Variants in RRM2 observed in about 807,000 individuals in gnomAD.
The protein encoded by RRM2 is ribonucleoside-diphosphate reductase subunit M2.
RRM2 carries 6 observed loss-of-function variants against 45.9 expected under a neutral mutation model. That is an observed-to-expected ratio of 0.13 (90% CI 0.07 to 0.26). The LOEUF is 0.26. RRM2 is among the 10% of genes least tolerant of loss of function. The pLI, the probability that RRM2 is intolerant of heterozygous loss-of-function variation, is 1.00. For missense variants in RRM2, 343 were observed against 489.5 expected (o/e 0.70, Z 2.82); for synonymous variants, 177 against 173.0 (o/e 1.02, Z -0.18).
rs915144005 is a variant in RRM2, at chr2:10,195,732, G to A, written n.483-14579G>A. Reference sequence around the variant, plus strand: ...CCAGCAGCAGTGTTCTTGGGCCTCAGGGACGTGTCGTGACTGGCTGAAGGC... The same window carrying A: ...CCAGCAGCAGTGTTCTTGGGCCTCAAGGACGTGTCGTGACTGGCTGAAGGC... On this transcript the variant is annotated intron_variant and non_coding_transcript_variant, in intron 3 of 3. Coordinates refer to the RRM2 transcript ENST00000381786. This position sits in a 1 kb window ranked among gnomAD's most constrained non-coding sequence, Gnocchi z 4.9. Among the ~76,000 whole-genome samples the A allele has an allele frequency of 1.3e-5, 2 of 152,192 alleles. No individual in the cohort carries two copies. The highest frequency in any genetic ancestry group is 4.8e-5 in the African/African-American group (2 of 41,450).
chr2:10,125,978 A>G (rs1218888448), intron 5 of RRM2, among the ~76,000 whole-genome samples: 1 of 151,978 alleles, frequency 6.6e-6, no homozygotes. Flanking sequence ...CAGGTCTCAG[A>G]GAGAGGGACA....
chr2:10,191,265 C>A (rs1001071401), intron 3 of RRM2, among the ~76,000 whole-genome samples: 1 of 152,196 alleles, frequency 6.6e-6, no homozygotes, highest in East Asian at 1.9e-4. Flanking sequence ...GGCAGCGTGG[C>A]CTTGGTCACA....
chr2:10,131,164 T>C lies in RRM2; in HGVS notation c.*1778T>C, dbSNP rs574555188. 1 of 152,338 alleles carries C rather than the reference T, an allele frequency of 6.6e-6. No individual in the cohort carries two copies. Among genetic ancestry groups the C allele is most frequent in the South Asian group, 2.1e-4 (1 of 4,828 alleles). The allele number at this position is 152,338 out of a possible 1,614,324, so 9.4% of individuals were successfully genotyped here. On this transcript the variant is annotated 3_prime_UTR_variant, in exon 10 of 10. Coordinates refer to ENST00000304567, the MANE Select transcript of RRM2 (RefSeq NM_001034.4). ...TCTTTTAAGTTATTGTTACCTAAAGTTAATCCAGATTATATGGTCCTTATA... is the reference window on the plus strand; with the variant it reads ...TCTTTTAAGTTATTGTTACCTAAAGCTAATCCAGATTATATGGTCCTTATA...
downstream of RRM2, among the ~76,000 whole-genome samples, chr2:10,132,433 G>T (rs993866190): frequency 5.9e-5 from 9 of 152,118 alleles, no homozygotes; most frequent in Non-Finnish European, 1.5e-5. Context: ...TTCCTTAGTG[G>T]AGGGGACTGG....
upstream of RRM2, among the ~76,000 whole-genome samples, chr2:10,137,651 G>C (rs1442289466): frequency 6.6e-6 from 1 of 152,364 alleles, no homozygotes; most frequent in South Asian, 2.1e-4. Flanking sequence ...TGCCCAAATG[G>C]AGCCTCACGC....
chr2:10,184,484 G>A (rs1327952302), intron 3 of RRM2, among the ~76,000 whole-genome samples: 1 of 152,256 alleles, frequency 6.6e-6, no homozygotes, highest in Non-Finnish European at 1.5e-5. Flanking sequence ...CGTTGTGGGA[G>A]GCCCTGAGTC....
intron 3 of RRM2, among the ~76,000 whole-genome samples, chr2:10,197,016 C>A (rs1184333534): frequency 6.6e-6 from 1 of 152,212 alleles, no homozygotes; most frequent in East Asian, 1.9e-4. Context: ...TCAGCTCACC[C>A]CAGTGAGCTT....
chr2:10,152,400 G>A (rs138494310), intron 3 of RRM2, among the ~76,000 whole-genome samples: 1 of 150,144 alleles, frequency 6.7e-6, no homozygotes, highest in Non-Finnish European at 1.5e-5. Context: ...TTTTGAAAAA[G>A]TAAAAGACTT....
At chr2:10,158,789 G>A (rs566800035) in intron 3 of RRM2, among the ~76,000 whole-genome samples, 1 of 152,140 alleles carries the variant, frequency 6.6e-6, no homozygotes, top group Non-Finnish European at 1.5e-5. Flanking sequence ...AGGCCTGGCT[G>A]CCCCAGCTGG....
chr2:10,186,994 C>A, intron 3 of RRM2, among the ~76,000 whole-genome samples: 1 of 152,252 alleles, frequency 6.6e-6, no homozygotes, highest in East Asian at 1.9e-4. Context: ...CGAAGGGGGG[C>A]TCAGAGGAGG....
At position 10,205,100 on chromosome 2, in the gene RRM2, C is replaced by T. The variant is rs78515393; in HGVS notation, n.483-5211C>T. On this transcript the variant is annotated intron_variant and non_coding_transcript_variant, in intron 3 of 3. Coordinates refer to the RRM2 transcript ENST00000381786. The surrounding 1 kb of genome is among the most constrained non-coding windows in gnomAD (Gnocchi z 4.8). ...CTCCCTAAGCCTTCTTTGTCCTTAC[C>T]GTCTCTTCAGAATCTGTCTGCTTCA... Among the ~76,000 whole-genome samples the T allele has an allele frequency of 3.0e-3, 457 of 152,338 alleles. 4 individuals carry two copies. The highest frequency in any genetic ancestry group is 0.011 in the African/African-American group (439 of 41,570).
intron 3 of RRM2, among the ~76,000 whole-genome samples, chr2:10,161,666 G>GCA (rs376276275): frequency 1.4e-5 from 2 of 147,374 alleles, no homozygotes; most frequent in Non-Finnish European, 3.0e-5. Context: ...TCACACTCAT[G>GCA]CACACACACA....
chr2:10,142,119 G>A (rs1182308962), intron 2 of RRM2: 13 of 1,567,996 alleles, frequency 8.3e-6, no homozygotes, highest in African/African-American at 8.1e-5. Context: ...GTGGGCAAGC[G>A]CAAAGGCCCT....
At chr2:10,151,175 G>A (rs1166365155) in intron 3 of RRM2, among the ~76,000 whole-genome samples, 1 of 152,120 alleles carries the variant, frequency 6.6e-6, no homozygotes, top group African/African-American at 2.4e-5. Flanking sequence ...TCTTATTGCT[G>A]TGTTGCATTT....
At chr2:10,183,861 G>A (rs13393808) in intron 3 of RRM2, among the ~76,000 whole-genome samples, 46,565 of 150,336 alleles carry the variant, frequency 0.31, 7,417 homozygotes, top group East Asian at 0.51. Context: ...AGGCCGAGGC[G>A]GGCGGATCAT....
chr2:10,171,145 C>T lies in RRM2; in HGVS notation n.482+28770C>T, dbSNP rs570929081. Among the ~76,000 whole-genome samples, 132 of 152,340 alleles carry T rather than the reference C, an allele frequency of 8.7e-4. No homozygotes were observed. The highest frequency in any genetic ancestry group is 2.9e-3 in the African/African-American group (121 of 41,586). ...CGGGGCCTGCACAGACCCCAGGCAT[C>T]GAGCCTGCGATGGGGCAACGTGTGG... On this transcript the variant is annotated intron_variant and non_coding_transcript_variant, in intron 3 of 3. Transcript: ENST00000381786. This position sits in a 1 kb window ranked among gnomAD's most constrained non-coding sequence, Gnocchi z 4.1.
chr2:10,159,648 G>A (rs1057466888), intron 3 of RRM2, among the ~76,000 whole-genome samples: 6 of 152,226 alleles, frequency 3.9e-5, no homozygotes, highest in Non-Finnish European at 1.5e-5. Flanking sequence ...GGGTTGAAAC[G>A]GTTAAAGAGG....
Position 10,123,003 on chromosome 2 carries a change from C to G in RRM2, c.120C>G (p.Thr40=). ...KENTPPALSG[T]RVLASKTARR... ...CGCAGCCGCCGGCCCTGAGCGGGAC[C>G]CGCGTCCTGGCCAGCAAGACCGCGA... Residue 40 remains threonine, a synonymous_variant, in exon 2 of 10, where the codon ACC becomes ACG. Coordinates refer to ENST00000304567, the MANE Select transcript of RRM2 (RefSeq NM_001034.4). The G allele has an allele frequency of 6.4e-7, 1 of 1,562,422 alleles. No individual in the cohort carries two copies. Among genetic ancestry groups the G allele is most frequent in the Non-Finnish European group, 8.6e-7 (1 of 1,160,598 alleles).
chr2:10,176,753 C>T (rs900351202), intron 3 of RRM2, among the ~76,000 whole-genome samples: 1 of 152,166 alleles, frequency 6.6e-6, no homozygotes, highest in Non-Finnish European at 1.5e-5. Context: ...ATTAATTCCC[C>T]TATTGATGGA....
Sources: allele counts gnomAD v4.1 joint callset (sites outside exome capture counted in the v4.1 genomes callset), GRCh38; gene constraint gnomAD v4.1.1; non-coding constraint Gnocchi (gnomAD v3.1); transcripts MANE v1.5; gene names NCBI Gene and HGNC (gene_info 2026-07-23, HGNC 2026-07-21).